SPATS2L: variants seen among roughly 807,000 people sequenced by gnomAD.
SPATS2L encodes spermatogenesis associated serine rich 2 like.
SPATS2L carries 30 observed loss-of-function variants against 59.6 expected under a neutral mutation model. The observed-to-expected ratio is 0.50, with a 90% CI of 0.38 to 0.68. The LOEUF is 0.68. Among genes scored for constraint, SPATS2L ranks in the 30% least tolerant of loss-of-function variants. The probability of loss-of-function intolerance (pLI) is 0.00; values close to 1 mark genes in which losing one functional copy is unlikely to be tolerated. For synonymous variants in SPATS2L, 252 were observed against 263.5 expected (o/e 0.96, Z 0.42); for missense variants, 615 against 700.0 (o/e 0.88, Z 1.37).
chr2:200,480,529 C>T lies in SPATS2L; in HGVS notation c.*2498C>T, dbSNP rs1318063772. The T allele has an allele frequency of 6.6e-6, 1 of 152,060 alleles. No individual in the cohort carries two copies. Among genetic ancestry groups the T allele is most frequent in the Non-Finnish European group, 1.5e-5 (1 of 68,028 alleles). 9.4% of individuals were successfully genotyped at this position (152,060 alleles called of 1,614,324 possible). Reference sequence around the variant, plus strand: ...GGACTACAGGTGTGCACCACAACGTCCCAGCTACTTTTTAAATTTTTAGTA... The same window carrying T: ...GGACTACAGGTGTGCACCACAACGTTCCAGCTACTTTTTAAATTTTTAGTA... On this transcript the variant is annotated 3_prime_UTR_variant, in exon 13 of 13. Transcript: ENST00000409140.
intron 9 of SPATS2L, among the ~76,000 whole-genome samples, chr2:200,464,353 A>G (rs2086442734): frequency 1.3e-5 from 2 of 152,222 alleles, no homozygotes; most frequent in African/African-American, 4.8e-5. Flanking sequence ...TGCTGATCCA[A>G]AGTATTTGTT....
At chr2:200,417,205 G>T (rs761618710) in intron 5 of SPATS2L, among the ~76,000 whole-genome samples, 6 of 152,152 alleles carry the variant, frequency 3.9e-5, no homozygotes, top group Non-Finnish European at 8.8e-5. Context: ...CTTCCCAGTG[G>T]GGGAAGATCA....
At chr2:200,412,480 A>AT (rs529493194) in intron 4 of SPATS2L, 61 bp downstream of exon 4, 10 of 932,104 alleles carry the variant, frequency 1.1e-5, no homozygotes, top group Admixed American at 2.9e-5. Flanking sequence ...GATATTCCAT[A>AT]TTTTTTCCTT....
At chr2:200,468,802 A>G (rs1264800520) in intron 10 of SPATS2L, among the ~76,000 whole-genome samples, 4 of 152,340 alleles carry the variant, frequency 2.6e-5, no homozygotes, top group Admixed American at 6.5e-5. Context: ...ACTTCAATAT[A>G]TGTTCCAACT....
chr2:200,465,925 A>G (rs2043772), intron 9 of SPATS2L, among the ~76,000 whole-genome samples: 58,854 of 152,056 alleles, frequency 0.39, 12,350 homozygotes, highest in Non-Finnish European at 0.45. Flanking sequence ...CCAGCTACCC[A>G]GGAGGCTGAC....
At position 200,478,507 on chromosome 2, in the gene SPATS2L, CAA is replaced by C. The variant is rs1559173958; in HGVS notation, c.*478_*479del. 6.6e-6 allele frequency: 1 copy of C among 152,596 alleles called. No homozygotes were observed. The highest frequency in any genetic ancestry group is 2.4e-5 in the African/African-American group (1 of 41,370). The allele number at this position is 152,596 out of a possible 1,614,324, so 9.5% of individuals were successfully genotyped here. A position where few individuals can be genotyped will look rare whatever the true frequency, so the allele number is the denominator to read the frequency against. On this transcript the variant is annotated 3_prime_UTR_variant, in exon 13 of 13. Coordinates refer to ENST00000409140, the MANE Select transcript of SPATS2L (RefSeq NM_001100423.2). ...TATACATATATTGCTTTATTTGAAACAAATTAAAATATGCTGCATTTGACACC... is the reference window on the plus strand; with the variant it reads ...TATACATATATTGCTTTATTTGAAACATTAAAATATGCTGCATTTGACACC...
At chr2:200,325,421 T>C (rs1169989262) in intron 1 of SPATS2L, among the ~76,000 whole-genome samples, 1 of 152,150 alleles carries the variant, frequency 6.6e-6, no homozygotes, top group Non-Finnish European at 1.5e-5. Flanking sequence ...CTCTGTTACC[T>C]AGGCTGGAGT....
chr2:200,307,448 G>A (rs2079061181), intron 1 of SPATS2L, among the ~76,000 whole-genome samples: 1 of 151,936 alleles, frequency 6.6e-6, no homozygotes, highest in Non-Finnish European at 1.5e-5. Flanking sequence ...ACTGAACCCC[G>A]CGCCCCTGGC....
chr2:200,335,431 A>G (rs928486561), intron 2 of SPATS2L, among the ~76,000 whole-genome samples: 2 of 151,868 alleles, frequency 1.3e-5, no homozygotes, highest in African/African-American at 2.4e-5. Flanking sequence ...CTAAGACAGG[A>G]AAGAGAAAGG....
At chr2:200,349,495 G>A (rs757222435) in intron 2 of SPATS2L, among the ~76,000 whole-genome samples, 11 of 152,192 alleles carry the variant, frequency 7.2e-5, no homozygotes, top group East Asian at 1.9e-4. Flanking sequence ...AAAATTAGCC[G>A]AATGTGATGG....
At chr2:200,306,643 G>A (rs1207809195), upstream of SPATS2L, 26 of 988,750 alleles carry the variant, frequency 2.6e-5, no homozygotes, top group Non-Finnish European at 3.1e-5. Context: ...CGGCGGGCGG[G>A]GGCAGCCTGC....
At chr2:200,403,019 C>G (rs1340962535) in intron 3 of SPATS2L, among the ~76,000 whole-genome samples, 3 of 152,182 alleles carry the variant, frequency 2.0e-5, no homozygotes, top group African/African-American at 7.2e-5. Context: ...AAAATCCTAC[C>G]TTTGTGTTCT....
chr2:200,343,677 G>A (rs529087428), intron 2 of SPATS2L, among the ~76,000 whole-genome samples: 4 of 152,192 alleles, frequency 2.6e-5, no homozygotes, highest in African/African-American at 9.6e-5. Context: ...TAGTAAACAG[G>A]AAATTGCTTC....
intron 8 of SPATS2L, among the ~76,000 whole-genome samples, chr2:200,444,894 A>C (rs1300849252): frequency 6.6e-6 from 1 of 150,532 alleles, no homozygotes; most frequent in Non-Finnish European, 1.5e-5. Context: ...CTTTTTTTTT[A>C]ACTATGGAAA....
At chr2:200,314,833 T>G (rs1466171561) in intron 1 of SPATS2L, among the ~76,000 whole-genome samples, 1 of 151,950 alleles carries the variant, frequency 6.6e-6, no homozygotes, top group African/African-American at 2.4e-5. Context: ...GCTTTGAGAC[T>G]ATATAAAAAA....
In SPATS2L at chr2:200,479,261, A is replaced by C. The variant is rs1313402513; in HGVS notation, c.*1230A>C. On this transcript the variant is annotated 3_prime_UTR_variant, in exon 13 of 13. Coordinates refer to ENST00000409140, the MANE Select transcript of SPATS2L (RefSeq NM_001100423.2). ...TCCTCCTTGGGTTGACATTGCATTCAGAATTGTGGCAAAGGGCCACCATGC... is the reference window on the plus strand; with the variant it reads ...TCCTCCTTGGGTTGACATTGCATTCCGAATTGTGGCAAAGGGCCACCATGC... 3.5e-6 allele frequency: 1 copy of C among 289,216 alleles called. No individual in the cohort carries two copies. Among genetic ancestry groups the C allele is most frequent in the Non-Finnish European group, 6.4e-6 (1 of 156,944 alleles). 17.9% of individuals were successfully genotyped at this position (289,216 alleles called of 1,614,324 possible).
At chr2:200,417,274 G>A (rs867725508) in intron 5 of SPATS2L, among the ~76,000 whole-genome samples, 5 of 152,042 alleles carry the variant, frequency 3.3e-5, no homozygotes, top group Admixed American at 6.5e-5. Context: ...CATAAAACCC[G>A]AAGATTACTG....
chr2:200,418,236 CA>C (rs1368062315), intron 5 of SPATS2L, among the ~76,000 whole-genome samples: 1 of 152,096 alleles, frequency 6.6e-6, no homozygotes, highest in Non-Finnish European at 1.5e-5. Context: ...GGACTTATAT[CA>C]CTTTGGCATT....
intron 2 of SPATS2L, among the ~76,000 whole-genome samples, chr2:200,383,670 A>C (rs1574337924): frequency 6.6e-6 from 1 of 152,334 alleles, no homozygotes; most frequent in East Asian, 1.9e-4. Flanking sequence ...GTCATACGTC[A>C]TGACATTTGG....
Sources: allele counts gnomAD v4.1 joint callset (sites outside exome capture counted in the v4.1 genomes callset), GRCh38; gene constraint gnomAD v4.1.1; transcripts MANE v1.5; gene names NCBI Gene and HGNC (gene_info 2026-07-23, HGNC 2026-07-21).